Variants in PCDH15 observed in about 807,000 individuals in gnomAD.
PCDH15 encodes the protein protocadherin related 15, also known as protocadherin-15.
Under a neutral mutation model 178.5 loss-of-function variants are expected in PCDH15, and 129 were observed. That is an observed-to-expected ratio of 0.72 (90% CI 0.63 to 0.84). The LOEUF (loss-of-function observed/expected upper bound fraction) is 0.84, where lower values mean the gene tolerates loss of function less well. PCDH15 is among the 40% of genes least tolerant of loss of function. PCDH15 has a pLI of 0.00. For synonymous variants in PCDH15, 800 were observed against 732.0 expected, an observed-to-expected ratio of 1.09 and a Z score of -1.50; for missense variants, 2,230 against 2,099.9, an observed-to-expected ratio of 1.06 and a Z score of -1.21.
chr10:54,341,507 T>C (rs1214816574), intron 6 of PCDH15, among the ~76,000 whole-genome samples: 1 of 152,162 alleles, frequency 6.6e-6, no homozygotes, highest in Admixed American at 6.5e-5. Flanking sequence ...AATTACACAC[T>C]CTCAGGTAGT....
chr10:54,031,621 A>T (rs774867374), intron 18 of PCDH15, among the ~76,000 whole-genome samples: 1 of 152,124 alleles, frequency 6.6e-6, no homozygotes. Flanking sequence ...TTTAACGCAA[A>T]TGAACTGAAG....
At chr10:54,835,857 C>T (rs764669865) in intron 3 of PCDH15, among the ~76,000 whole-genome samples, 4 of 152,156 alleles carry the variant, frequency 2.6e-5, no homozygotes, top group South Asian at 2.1e-4. Context: ...TAAACTGTCA[C>T]TTATAAAAGA....
intron 3 of PCDH15, among the ~76,000 whole-genome samples, chr10:54,438,393 GT>G (rs2075576060): frequency 7.1e-6 from 1 of 141,672 alleles, no homozygotes; most frequent in Non-Finnish European, 1.5e-5. Context: ...CTACCTATTT[GT>G]TAACCTGAGT....
intron 5 of PCDH15, among the ~76,000 whole-genome samples, chr10:54,351,261 T>C (rs1944134963): frequency 6.6e-6 from 1 of 152,126 alleles, no homozygotes; most frequent in African/African-American, 2.4e-5. Flanking sequence ...ACTACCTTAT[T>C]ATCATTACAA....
At chr10:54,228,098 T>C (rs2053649519) in intron 9 of PCDH15, among the ~76,000 whole-genome samples, 3 of 152,186 alleles carry the variant, frequency 2.0e-5, no homozygotes, top group African/African-American at 7.2e-5. Flanking sequence ...TTTCTGCATT[T>C]TTGGGTCTCT....
intron 2 of PCDH15, chr10:54,528,404 T>C: frequency 1.9e-6 from 3 of 1,575,320 alleles, no homozygotes; most frequent in Non-Finnish European, 2.6e-6. Flanking sequence ...ATTGCCAGTC[T>C]GGAGTCAAAA....
chr10:55,452,030 T>G (rs1839446890), intron 2 of PCDH15, among the ~76,000 whole-genome samples: 1 of 152,204 alleles, frequency 6.6e-6, no homozygotes, highest in African/African-American at 2.4e-5. Context: ...ACTAAATAGT[T>G]TATTAGTGTC....
chr10:55,116,196 T>C (rs16906966), intron 2 of PCDH15, among the ~76,000 whole-genome samples: 6,173 of 152,210 alleles, frequency 0.041, 298 homozygotes, highest in East Asian at 0.14. Context: ...GAATAAGACG[T>C]GCAGGTAAAT....
chr10:54,648,866 C>A (rs1007611632), intron 2 of PCDH15, among the ~76,000 whole-genome samples: 1 of 152,054 alleles, frequency 6.6e-6, no homozygotes, highest in African/African-American at 2.4e-5. Context: ...TCCAGCAGAT[C>A]ATGTGTGGAC....
chr10:54,785,849 C>T lies in PCDH15; in HGVS notation c.-29+15076G>A, dbSNP rs139920719. Among the ~76,000 whole-genome samples the T allele has an allele frequency of 4.0e-3, 614 of 151,950 alleles. 6 individuals are homozygous for T. The highest frequency in any genetic ancestry group is 0.014 in the African/African-American group (594 of 41,490). The stretch of plus-strand genomic sequence containing the variant: ...AAATCCTCACTTATATCTTCATCAC[C>T]ATCTAGAGATGGAGCACCTCAGGGA... On this transcript the variant is annotated intron_variant, in intron 1 of 37. Transcript: ENST00000644397.
Position 54,125,402 on chromosome 10 carries a change from G to A in PCDH15, c.1917+7473C>T, listed in dbSNP as rs142546676. On this transcript the variant is annotated intron_variant, in intron 15 of 37. Coordinates refer to ENST00000644397, the MANE Select transcript of PCDH15 (RefSeq NM_001384140.1). ...TTCTGGGTGTCAGTGGACACTTTCT[G>A]TATAATAATTTTATTTTACTTTTGT... Among the ~76,000 whole-genome samples the A allele has an allele frequency of 4.3e-4, 66 of 152,230 alleles. No individual in the cohort carries two copies. The East Asian group carries it at 8.5e-3, about 20-fold the overall frequency.
rs757650846 is a variant in PCDH15, at chr10:53,806,645, C to CTGTG, written c.5153_5156dup (p.Gln1719HisfsTer4). ...CCATCCAAAGCTCTTCATCATCAGA[C>CTGTG]TGTGTGTGGTCACTATGAAATTCCA... On this transcript the variant is annotated frameshift_variant, in exon 38 of 38. Coordinates refer to ENST00000644397, the MANE Select transcript of PCDH15 (RefSeq NM_001384140.1). LOFTEE classifies it high-confidence loss of function. 6.2e-7 allele frequency: 1 copy of CTGTG among 1,613,622 alleles called. No individual in the cohort carries two copies. The highest frequency in any genetic ancestry group is 8.5e-7 in the Non-Finnish European group (1 of 1,179,762).
intron 8 of PCDH15, among the ~76,000 whole-genome samples, chr10:54,240,755 C>A (rs1333121354): frequency 6.6e-6 from 1 of 151,218 alleles, no homozygotes; most frequent in Non-Finnish European, 1.5e-5. Flanking sequence ...CCTCAGCCTC[C>A]CGAGTAGCTG....
At chr10:54,861,851 A>G (rs1023174621) in intron 3 of PCDH15, among the ~76,000 whole-genome samples, 1 of 152,196 alleles carries the variant, frequency 6.6e-6, no homozygotes, top group Non-Finnish European at 1.5e-5. Context: ...AAATACATAA[A>G]CAAATACTCT....
At chr10:54,655,954 C>A (rs1294318525) in intron 2 of PCDH15, 1 of 152,100 alleles carries the variant, frequency 6.6e-6, no homozygotes, top group Non-Finnish European at 1.5e-5. Context: ...TTCTAAATGG[C>A]ATATATGGTA....
rs1270110975 is a variant in PCDH15 at position 55,337,032 on chromosome 10, C to T, written c.-155-170381G>A. ...CAATTGTAACAGCTAAAAGTCTCTCCGTTCAGTGTCAAATACCCACGAGTG... is the reference window on the plus strand; with the variant it reads ...CAATTGTAACAGCTAAAAGTCTCTCTGTTCAGTGTCAAATACCCACGAGTG... On this transcript the variant is annotated intron_variant, in intron 2 of 5. Transcript: ENST00000613346. Among the ~76,000 whole-genome samples, 5 of 152,238 alleles carry T rather than the reference C, an allele frequency of 3.3e-5. 1 individual carries two copies. The South Asian group carries it at 1.0e-3, about 32-fold the overall frequency.
At chr10:55,308,197 C>G (rs942418524) in intron 1 of PCDH15, among the ~76,000 whole-genome samples, 1 of 152,178 alleles carries the variant, frequency 6.6e-6, no homozygotes, top group East Asian at 1.9e-4. Flanking sequence ...AAGGAGTAAG[C>G]TATTTAATTC....
At position 54,598,987 on chromosome 10, in the gene PCDH15, AT is replaced by A. The variant is rs58334284; in HGVS notation, c.91+65184del. 5.1e-3 allele frequency among the ~76,000 whole-genome samples: 779 copies of A among 151,560 alleles called. 7 individuals are homozygous for A. Among genetic ancestry groups the A allele is most frequent in the African/African-American group, 0.015 (625 of 41,368 alleles). ...AAGAAATCAGAGATAACAGAAATAA[AT>A]TTAAAAAAAAATTCTATGCTCATGG... On this transcript the variant is annotated intron_variant, in intron 2 of 37. Coordinates refer to ENST00000644397, the MANE Select transcript of PCDH15 (RefSeq NM_001384140.1).
intron 2 of PCDH15, among the ~76,000 whole-genome samples, chr10:55,487,316 T>C (rs1319148220): frequency 6.6e-6 from 1 of 151,658 alleles, no homozygotes; most frequent in Admixed American, 6.6e-5. Context: ...CACAATCTCA[T>C]AAGCACAACT....
Sources: gnomAD v4.1 joint callset for allele counts (sites outside exome capture counted in the v4.1 genomes callset) on GRCh38, gnomAD v4.1.1 for gene constraint, MANE v1.5 for transcripts, NCBI Gene and HGNC (gene_info 2026-07-23, HGNC 2026-07-21) for gene names.